LRMDA: variants seen among roughly 807,000 people sequenced by gnomAD.
LRMDA encodes the protein leucine rich melanocyte differentiation associated.
LRMDA carries 18 observed loss-of-function variants against 29.8 expected under a neutral mutation model. The observed-to-expected ratio is 0.60, with a 90% CI of 0.42 to 0.90. The LOEUF (loss-of-function observed/expected upper bound fraction) is 0.90. Among genes scored for constraint, LRMDA ranks in the 40% least tolerant of loss-of-function variants. The pLI is 0.00. For missense variants in LRMDA, 273 were observed against 273.9 expected (o/e 1.00, Z 0.02); for synonymous variants, 125 against 109.4 (o/e 1.14, Z -0.89).
At chr10:76,411,722 G>A (rs911643315) in intron 6 of LRMDA, among the ~76,000 whole-genome samples, 7 of 152,264 alleles carry the variant, frequency 4.6e-5, no homozygotes, top group Admixed American at 3.3e-4. Context: ...AACGGTGCCA[G>A]CAGTGGGGGA....
chr10:75,662,009 T>C (rs904984830), intron 2 of LRMDA, among the ~76,000 whole-genome samples: 3 of 152,168 alleles, frequency 2.0e-5, no homozygotes, highest in African/African-American at 2.4e-5. Flanking sequence ...CTAAGTAGGA[T>C]AGGAAACCTG....
chr10:75,577,049 A>C (rs923932220), intron 2 of LRMDA, among the ~76,000 whole-genome samples: 1 of 152,212 alleles, frequency 6.6e-6, no homozygotes, highest in Admixed American at 6.5e-5. Flanking sequence ...TGATGAGCTG[A>C]CAGAAGAAGG....
intron 6 of LRMDA, among the ~76,000 whole-genome samples, chr10:76,351,830 C>T (rs1242264475): frequency 1.3e-5 from 2 of 152,008 alleles, no homozygotes; most frequent in African/African-American, 2.4e-5. Context: ...ACTCACTAGG[C>T]CGGACTCCTG....
In LRMDA at chr10:75,854,725, C is replaced by A. The variant is rs188103556; in HGVS notation, c.132-181283C>A. Among the ~76,000 whole-genome samples, 418 of 152,022 alleles carry A rather than the reference C, an allele frequency of 2.7e-3. 1 individual carries two copies. The highest frequency in any genetic ancestry group is 4.8e-3 in the Non-Finnish European group (325 of 68,002). The stretch of plus-strand genomic sequence containing the variant: ...TAATGCTATCCCTCCCCACTCCCCC[C>A]ACCCCACAACAGGCCCCAGTGTGTG... On this transcript the variant is annotated intron_variant, in intron 2 of 6. Coordinates refer to ENST00000611255, the MANE Select transcript of LRMDA (RefSeq NM_001305581.2).
chr10:76,550,936 C>T (rs1191908978), intron 6 of LRMDA, among the ~76,000 whole-genome samples: 1 of 152,198 alleles, frequency 6.6e-6, no homozygotes, highest in Admixed American at 6.5e-5. Context: ...TGTGTGATAG[C>T]CACAGCAGAG....
chr10:75,752,953 G>A (rs1282649051), intron 2 of LRMDA, among the ~76,000 whole-genome samples: 1 of 152,142 alleles, frequency 6.6e-6, no homozygotes, highest in Non-Finnish European at 1.5e-5. Context: ...TGATTCTTCT[G>A]GTTGTACAGT....
chr10:75,546,327 G>A (rs1172080233), intron 2 of LRMDA, among the ~76,000 whole-genome samples: 2 of 152,146 alleles, frequency 1.3e-5, no homozygotes, highest in East Asian at 3.8e-4. Context: ...TCATGTTTTT[G>A]AAGAATGTTT....
At chr10:75,488,374 CAG>C (rs1844941686) in intron 2 of LRMDA, among the ~76,000 whole-genome samples, 1 of 152,132 alleles carries the variant, frequency 6.6e-6, no homozygotes, top group Admixed American at 6.5e-5. Context: ...TCTGAAAGCT[CAG>C]AGTGTGCTTG....
At chr10:75,594,819 A>G (rs1365822263) in intron 2 of LRMDA, among the ~76,000 whole-genome samples, 1 of 152,236 alleles carries the variant, frequency 6.6e-6, no homozygotes, top group Non-Finnish European at 1.5e-5. Flanking sequence ...GAGAAGGGTT[A>G]ACATAGGAAT....
rs555238504 is a variant in LRMDA at position 76,481,836 on chromosome 10, T to C, written c.602-75373T>C. On this transcript the variant is annotated intron_variant, in intron 6 of 6. Transcript: ENST00000611255. The stretch of plus-strand genomic sequence containing the variant: ...GACCATCAGCCATCCTTACTTCTTA[T>C]TGCATTCATACTCCTTGGGTAATAC... Among the ~76,000 whole-genome samples, 4 of 152,030 alleles carry C rather than the reference T, an allele frequency of 2.6e-5. No homozygotes were observed. The East Asian group carries it at 7.8e-4, about 30-fold the overall frequency.
chr10:75,456,746 G>A (rs1844522726), intron 2 of LRMDA, among the ~76,000 whole-genome samples: 1 of 152,148 alleles, frequency 6.6e-6, no homozygotes, highest in South Asian at 2.1e-4. Context: ...CACAATCTTG[G>A]CTCACTGCAA....
chr10:75,646,843 A>AGTTAGGAAACTATCT (rs1554817849), intron 2 of LRMDA, among the ~76,000 whole-genome samples: 26 of 152,222 alleles, frequency 1.7e-4, no homozygotes, highest in Non-Finnish European at 3.5e-4. Context: ...ACGAAGTAAT[A>AGTTAGGAAACTATCT]TACTGTTAGG....
intron 2 of LRMDA, chr10:75,642,869 A>G (rs540140469): frequency 8.5e-5 from 13 of 152,300 alleles, no homozygotes; most frequent in Admixed American, 7.8e-4. Context: ...AATTACTTCA[A>G]AATCTAGGGA....
intron 5 of LRMDA, among the ~76,000 whole-genome samples, chr10:76,245,185 C>A (rs1852352224): frequency 6.6e-6 from 1 of 152,106 alleles, no homozygotes; most frequent in South Asian, 2.1e-4. Context: ...ATTGGATGTT[C>A]TCTTATATAT....
chr10:75,616,180 T>A lies in LRMDA; in HGVS notation c.131+177686T>A, dbSNP rs1295812281. ...CAGGCTGTGCAGGGGAACTCCCATT[T>A]ACAAAATCATCAGATTTTATGAGAC... is the stretch of plus-strand genomic sequence containing the variant. On this transcript the variant is annotated intron_variant, in intron 2 of 6. Transcript: ENST00000611255. Among the ~76,000 whole-genome samples the A allele has an allele frequency of 3.3e-5, 5 of 152,230 alleles. No individual in the cohort carries two copies. The East Asian group carries it at 9.6e-4, about 29-fold the overall frequency.
chr10:76,199,068 G>A (rs960176), intron 5 of LRMDA, among the ~76,000 whole-genome samples: 7,520 of 152,144 alleles, frequency 0.049, 564 homozygotes, highest in African/African-American at 0.16. Flanking sequence ...AATGACTAAG[G>A]TATAGGGTAT....
chr10:75,972,739 G>C (rs942650690), intron 2 of LRMDA, among the ~76,000 whole-genome samples: 1 of 152,140 alleles, frequency 6.6e-6, no homozygotes. Flanking sequence ...GCCTGCAGCA[G>C]TGTGCGTCAG....
chr10:76,431,039 A>G (rs1051959558), intron 6 of LRMDA, among the ~76,000 whole-genome samples: 10 of 152,202 alleles, frequency 6.6e-5, no homozygotes, highest in Non-Finnish European at 1.2e-4. Flanking sequence ...CTATGCTGAC[A>G]TTGAAATTTT....
At chr10:75,677,327 G>A (rs1287783896) in intron 2 of LRMDA, among the ~76,000 whole-genome samples, 1 of 152,070 alleles carries the variant, frequency 6.6e-6, no homozygotes, top group Non-Finnish European at 1.5e-5. Flanking sequence ...AATTTCCTCA[G>A]TCTGGAAGAA....
Sources: allele counts gnomAD v4.1 joint callset (sites outside exome capture counted in the v4.1 genomes callset), GRCh38; gene constraint gnomAD v4.1.1; transcripts MANE v1.5; gene names NCBI Gene and HGNC (gene_info 2026-07-23, HGNC 2026-07-21).